Variants in SGCD observed in about 807,000 individuals in gnomAD.
SGCD encodes the protein delta-sarcoglycan.
A neutral mutation model predicts 36.6 loss-of-function variants in SGCD; 18 were observed. The ratio of observed to expected loss-of-function variants is 0.49; its 90% CI spans 0.34 to 0.73. SGCD has a LOEUF of 0.73. SGCD is among the 30% of genes least tolerant of loss of function. The probability of loss-of-function intolerance (pLI) is 0.01; values close to 1 mark genes in which losing one functional copy is unlikely to be tolerated. For missense variants in SGCD, 387 were observed against 346.7 expected (o/e 1.12, Z -0.92); for synonymous variants, 133 against 130.6 (o/e 1.02, Z -0.12).
intron 1 of SGCD, among the ~76,000 whole-genome samples, chr5:155,937,337 T>G (rs1283159876): frequency 8.5e-5 from 13 of 152,192 alleles, no homozygotes; most frequent in Non-Finnish European, 4.4e-5. Context: ...GGTCACATAT[T>G]GAAGCGGTGC....
intron 7 of SGCD, among the ~76,000 whole-genome samples, chr5:156,736,030 C>T (rs1756343641): frequency 6.6e-6 from 1 of 152,102 alleles, no homozygotes; most frequent in Non-Finnish European, 1.5e-5. Flanking sequence ...TCGCTGCTTA[C>T]CTTGGCAAGG....
intron 1 of SGCD, among the ~76,000 whole-genome samples, chr5:155,999,065 C>A (rs576061992): frequency 6.6e-6 from 1 of 152,346 alleles, no homozygotes; most frequent in East Asian, 1.9e-4. Context: ...ACTCCTCCAA[C>A]TCCCACTTTA....
At chr5:156,312,910 G>A (rs571195225) in intron 3 of SGCD, among the ~76,000 whole-genome samples, 2 of 152,122 alleles carry the variant, frequency 1.3e-5, no homozygotes, top group Non-Finnish European at 2.9e-5. Flanking sequence ...ACACTGGATA[G>A]ATGACTATTC....
chr5:156,259,963 T>G (rs113031688), intron 3 of SGCD, among the ~76,000 whole-genome samples: 7 of 152,350 alleles, frequency 4.6e-5, no homozygotes, highest in African/African-American at 1.7e-4. Flanking sequence ...TTTCATTTTT[T>G]TATAATTCAT....
intron 7 of SGCD, among the ~76,000 whole-genome samples, chr5:156,651,262 C>T (rs1182801554): frequency 6.6e-6 from 1 of 151,920 alleles, no homozygotes; most frequent in Non-Finnish European, 1.5e-5. Flanking sequence ...ACTGTTTATC[C>T]TGTTGATAGT....
chr5:156,342,573 A>G (rs1338583611), intron 2 of SGCD, among the ~76,000 whole-genome samples: 1 of 152,194 alleles, frequency 6.6e-6, no homozygotes, highest in Non-Finnish European at 1.5e-5. Flanking sequence ...CTTTTATTTG[A>G]TCTTCATGTT....
At chr5:155,966,890 T>A (rs2127558383) in intron 1 of SGCD, among the ~76,000 whole-genome samples, 1 of 152,164 alleles carries the variant, frequency 6.6e-6, no homozygotes, top group Middle Eastern at 3.4e-3. Context: ...TTAGCAGTCT[T>A]GTACTTTATT....
At chr5:156,509,120 T>A (rs1339801718) in intron 4 of SGCD, among the ~76,000 whole-genome samples, 5 of 152,202 alleles carry the variant, frequency 3.3e-5, no homozygotes, top group Admixed American at 6.5e-5. Context: ...GTAGCCAGTG[T>A]TGGTTAGGAT....
intron 3 of SGCD, among the ~76,000 whole-genome samples, chr5:156,191,203 T>A (rs2127632493): frequency 6.6e-6 from 1 of 152,176 alleles, no homozygotes; most frequent in African/African-American, 2.4e-5. Context: ...AGTTACACCT[T>A]ACAGAGATGA....
chr5:156,144,224 A>G (rs1762652730), intron 3 of SGCD, among the ~76,000 whole-genome samples: 1 of 152,136 alleles, frequency 6.6e-6, no homozygotes, highest in African/African-American at 2.4e-5. Context: ...TTATAGCAGC[A>G]TGATTTATAA....
In SGCD at chr5:156,616,231, A is replaced by T. The variant is rs539529252; in HGVS notation, c.502+21180A>T. On this transcript the variant is annotated intron_variant, in intron 6 of 8. Coordinates refer to ENST00000337851, the MANE Select transcript of SGCD (RefSeq NM_000337.6). ...TAAATACAACGATGGCCTGAGTTTT[A>T]TTCTGTGTGGACTGTCATGGACCAT... Among the ~76,000 whole-genome samples the T allele has an allele frequency of 1.4e-4, 21 of 152,300 alleles. No individual in the cohort carries two copies. In the South Asian group the frequency reaches 2.3e-3, roughly 17 times the overall value.
At chr5:155,761,730 T>C in the SGCD span, among the ~76,000 whole-genome samples, 1 of 143,532 alleles carries the variant, frequency 7.0e-6, no homozygotes, top group Admixed American at 6.8e-5. Context: ...ATCTTCACCA[T>C]TGCCCTTTCC....
chr5:156,138,575 T>C lies in SGCD; in HGVS notation c.-44+14556T>C, dbSNP rs189640796. Among the ~76,000 whole-genome samples the C allele has an allele frequency of 7.9e-5, 12 of 152,378 alleles. No homozygotes were observed. In the East Asian group the frequency reaches 2.1e-3, roughly 27 times the overall value. The stretch of plus-strand genomic sequence containing the variant: ...CCAGCATCATTCAATTAATATACTA[T>C]AATTGCTTATTCATTTTCCTTTTGA... On this transcript the variant is annotated intron_variant, in intron 3 of 9. Coordinates refer to the SGCD transcript ENST00000517913.
intron 3 of SGCD, among the ~76,000 whole-genome samples, chr5:156,394,322 T>G (rs907847096): frequency 2.0e-5 from 3 of 152,218 alleles, no homozygotes; most frequent in African/African-American, 7.2e-5. Flanking sequence ...AATGATCTCT[T>G]CAGTACTTTG....
In SGCD at chr5:156,329,571, G is replaced by A; in HGVS notation, c.-6G>A. ...CGGGAGTGTTGAGTGAAGGGACCAG[G>A]TGGAGATGGTGAGTAATTCCCGGGA... On this transcript the variant is annotated 5_prime_UTR_variant, in exon 2 of 9. In the 5' UTR this introduces an upstream ATG that the reference lacks. Transcript: ENST00000337851. 1 of 1,613,284 alleles carries A rather than the reference G, an allele frequency of 6.2e-7. No homozygotes were observed. The highest frequency in any genetic ancestry group is 8.5e-7 in the Non-Finnish European group (1 of 1,179,340).
chr5:156,488,693 T>A (rs976880335), intron 3 of SGCD, among the ~76,000 whole-genome samples: 2 of 152,004 alleles, frequency 1.3e-5, no homozygotes, highest in Non-Finnish European at 1.5e-5. Flanking sequence ...ATATCTACCA[T>A]CATGAAAACA....
At chr5:156,605,052 T>A (rs1467506424) in intron 6 of SGCD, among the ~76,000 whole-genome samples, 1 of 151,926 alleles carries the variant, frequency 6.6e-6, no homozygotes, top group African/African-American at 2.4e-5. Flanking sequence ...TGTGTGTGTG[T>A]GTGTTTTATT....
At chr5:156,062,646 C>A (rs1235241127) in intron 1 of SGCD, among the ~76,000 whole-genome samples, 11 of 29,644 alleles carry the variant, frequency 3.7e-4, no homozygotes, top group Admixed American at 3.9e-4. Context: ...GAGATGATAT[C>A]TCATAGTGGT....
rs556307525 is a variant in SGCD at position 155,882,729 on chromosome 5, A to G, written c.-282+12305A>G. Among the ~76,000 whole-genome samples, 4 of 152,306 alleles carry G rather than the reference A, an allele frequency of 2.6e-5. No individual in the cohort carries two copies. In the East Asian group the frequency reaches 7.7e-4, roughly 29 times the overall value. On this transcript the variant is annotated intron_variant, in intron 1 of 9. Coordinates refer to the SGCD transcript ENST00000517913. Reference sequence around the variant, plus strand: ...CCATGCTGAAAACAGATATGCTATCATTTAAGCTTTCTTGTTTCATTTCTA... The same window carrying G: ...CCATGCTGAAAACAGATATGCTATCGTTTAAGCTTTCTTGTTTCATTTCTA...
Sources: allele counts gnomAD v4.1 joint callset (sites outside exome capture counted in the v4.1 genomes callset), GRCh38; gene constraint gnomAD v4.1.1; transcripts MANE v1.5; gene names NCBI Gene and HGNC (gene_info 2026-07-23, HGNC 2026-07-21).